Variants in PLSCR2 observed in about 807,000 individuals in gnomAD.
PLSCR2 encodes the protein PL scramblase 2.
Under a neutral mutation model 25.3 loss-of-function variants are expected in PLSCR2, and 18 were observed. That is an observed-to-expected ratio of 0.71 (90% CI 0.49 to 1.06). The LOEUF (loss-of-function observed/expected upper bound fraction) is 1.06. PLSCR2 is among the 50% of genes least tolerant of loss of function. PLSCR2 has a pLI of 0.00. For missense variants in PLSCR2, 243 were observed against 269.5 expected, an observed-to-expected ratio of 0.90 and a Z score of 0.69; for synonymous variants, 88 against 87.3, an observed-to-expected ratio of 1.01 and a Z score of -0.04.
chr3:146,395,367 T>C (rs972714110), intron 3 of PLSCR2, among the ~76,000 whole-genome samples: 2 of 152,204 alleles, frequency 1.3e-5, no homozygotes, highest in African/African-American at 4.8e-5. Flanking sequence ...GCGCAAGAGA[T>C]AGAGCTAAAT....
intron 2 of PLSCR2, among the ~76,000 whole-genome samples, chr3:146,423,893 C>T (rs2039246098): frequency 6.6e-6 from 1 of 152,004 alleles, no homozygotes; most frequent in Non-Finnish European, 1.5e-5. Context: ...GAAACTCTTC[C>T]AATAACTTGA....
At chr3:146,435,573 T>C (rs1021013103) in intron 8 of PLSCR2, among the ~76,000 whole-genome samples, 8 of 152,232 alleles carry the variant, frequency 5.3e-5, no homozygotes, top group Admixed American at 2.6e-4. Flanking sequence ...ATGTCTTCTT[T>C]TGAGAAGTGT....
At chr3:146,445,618 G>C (rs947669027) in intron 6 of PLSCR2, among the ~76,000 whole-genome samples, 1 of 151,902 alleles carries the variant, frequency 6.6e-6, no homozygotes. Context: ...AATGCCTTCA[G>C]GTAGTTTTCT....
chr3:146,426,110 C>T (rs2039335961), intron 2 of PLSCR2, among the ~76,000 whole-genome samples: 1 of 152,010 alleles, frequency 6.6e-6, no homozygotes, highest in Non-Finnish European at 1.5e-5. Flanking sequence ...ATTAGCTTTT[C>T]TGCAAACAAA....
intron 3 of PLSCR2, among the ~76,000 whole-genome samples, chr3:146,394,275 CTTTTT>C (rs894830391): frequency 6.6e-6 from 1 of 150,552 alleles, no homozygotes; most frequent in South Asian, 2.1e-4. Flanking sequence ...CTTTTCTTTT[CTTTTT>C]TTTTGAGATG....
chr3:146,420,285 G>A (rs1409026453), intron 2 of PLSCR2, among the ~76,000 whole-genome samples: 2 of 151,840 alleles, frequency 1.3e-5, no homozygotes, highest in South Asian at 2.1e-4. Flanking sequence ...CTATTACTAG[G>A]AAACAAATCA....
chr3:146,486,313 A>G (rs1381360206), intron 1 of PLSCR2, among the ~76,000 whole-genome samples: 1 of 152,070 alleles, frequency 6.6e-6, no homozygotes, highest in African/African-American at 2.4e-5. Flanking sequence ...GAAATAACCA[A>G]GATCAGAGTG....
intron 1 of PLSCR2, among the ~76,000 whole-genome samples, chr3:146,481,452 C>A (rs903452808): frequency 2.0e-5 from 3 of 151,958 alleles, no homozygotes; most frequent in Non-Finnish European, 4.4e-5. Context: ...AACAGACAGC[C>A]AAGTCATCAG....
Position 146,449,405 on chromosome 3 carries a change from G to C in PLSCR2, c.484-38C>G, listed in dbSNP as rs573218674. On this transcript the variant is annotated intron_variant, in intron 5 of 6. Coordinates refer to ENST00000610787, the Ensembl canonical transcript of PLSCR2. ...AAAAAAAAAAACTTAAAAATTTCTA[G>C]AAAACTTATAGCAAAATTACTTTTA... is the stretch of plus-strand genomic sequence containing the variant. 2.4e-4 allele frequency: 341 copies of C among 1,428,634 alleles called. 6 individuals carry two copies. The South Asian group carries it at 3.9e-3, about 17-fold the overall frequency. 88.5% of individuals were successfully genotyped at this position (1,428,634 alleles called of 1,614,324 possible).
chr3:146,475,244 A>AT (rs532154033), intron 1 of PLSCR2, among the ~76,000 whole-genome samples: 143 of 151,020 alleles, frequency 9.5e-4, no homozygotes, highest in African/African-American at 2.6e-3. Flanking sequence ...GGTTTTCAGC[A>AT]TTTTTTCACT....
intron 1 of PLSCR2, among the ~76,000 whole-genome samples, chr3:146,479,662 T>C (rs1435246229): frequency 6.6e-6 from 1 of 152,130 alleles, no homozygotes; most frequent in Non-Finnish European, 1.5e-5. Context: ...CCACTATCAA[T>C]ATTAGACAGA....
chr3:146,491,108 T>C (rs890830316), intron 1 of PLSCR2, among the ~76,000 whole-genome samples: 4 of 152,130 alleles, frequency 2.6e-5, no homozygotes, highest in Non-Finnish European at 5.9e-5. Context: ...CATTTGAAGC[T>C]CAATTTGGGT....
At position 146,486,382 on chromosome 3, in the gene PLSCR2, CT is replaced by C. The variant is rs1553793125; in HGVS notation, c.-293+9512del. 9.6e-4 allele frequency among the ~76,000 whole-genome samples: 139 copies of C among 144,858 alleles called. No individual in the cohort carries two copies. In the Middle Eastern group the frequency reaches 0.011, roughly 12 times the overall value. Reference sequence around the variant, plus strand: ...CAAAAAAAATCAATGAATCCAGGAGCTTTTTTTTTTTGAAAATATTAATAAA... The same window carrying C: ...CAAAAAAAATCAATGAATCCAGGAGCTTTTTTTTTTGAAAATATTAATAAA... On this transcript the variant is annotated intron_variant, in intron 1 of 8. Transcript: ENST00000336685.
intron 2 of PLSCR2, among the ~76,000 whole-genome samples, chr3:146,421,393 A>G (rs1231777610): frequency 6.6e-6 from 1 of 152,054 alleles, no homozygotes; most frequent in Non-Finnish European, 1.5e-5. Context: ...AAGGTTATAG[A>G]TTCTTTAGCC....
chr3:146,446,338 TAA>T, intron 6 of PLSCR2, among the ~76,000 whole-genome samples: 1 of 152,300 alleles, frequency 6.6e-6, no homozygotes, highest in African/African-American at 2.4e-5. Flanking sequence ...TGTTTTGATC[TAA>T]GTTTTTGGTT....
chr3:146,439,228 T>G (rs1457644695), downstream of PLSCR2, among the ~76,000 whole-genome samples: 1 of 152,156 alleles, frequency 6.6e-6, no homozygotes, highest in East Asian at 1.9e-4. Flanking sequence ...CATTTCAACT[T>G]TGGTGAATCT....
rs529453058 is a variant in PLSCR2 at position 146,469,126 on chromosome 3, C to A, written c.-292-8842G>T. On this transcript the variant is annotated intron_variant, in intron 1 of 8. Coordinates refer to the PLSCR2 transcript ENST00000336685. ...TTACTGATAAATGACAGCTTGCAGG[C>A]TGTATTAACCGTCCCTTCTAATAGC... is the stretch of plus-strand genomic sequence containing the variant. 18 of 985,360 alleles carry A rather than the reference C, an allele frequency of 1.8e-5. No homozygotes were observed. In the African/African-American group the frequency reaches 2.6e-4, roughly 14 times the overall value. 61.0% of individuals were successfully genotyped at this position (985,360 alleles called of 1,614,324 possible). A position where few individuals can be genotyped will look rare whatever the true frequency, so the allele number is the denominator to read the frequency against.
At chr3:146,414,129 C>G (rs1263157292) in intron 2 of PLSCR2, among the ~76,000 whole-genome samples, 1 of 152,110 alleles carries the variant, frequency 6.6e-6, no homozygotes, top group African/African-American at 2.4e-5. Flanking sequence ...ATCCTTTTAT[C>G]AGGAATCCAC....
intron 2 of PLSCR2, among the ~76,000 whole-genome samples, chr3:146,420,561 G>T (rs2039114392): frequency 2.6e-5 from 4 of 151,906 alleles, no homozygotes; most frequent in Admixed American, 2.6e-4. Context: ...TAAATTGGTT[G>T]TCTTTCAATT....
Sources: allele counts gnomAD v4.1 joint callset (sites outside exome capture counted in the v4.1 genomes callset), GRCh38; gene constraint gnomAD v4.1.1; transcripts MANE v1.5; gene names NCBI Gene and HGNC (gene_info 2026-07-23, HGNC 2026-07-21).